Variants in SPECC1L observed in about 807,000 individuals in gnomAD.
The protein encoded by SPECC1L is sperm antigen with calponin homology and coiled-coil domains 1 like, also known as cytospin-A.
In SPECC1L, 40 loss-of-function variants were observed where a neutral mutation model predicts 116.8. That is an observed-to-expected ratio of 0.34 (90% CI 0.27 to 0.45). The LOEUF (loss-of-function observed/expected upper bound fraction) is 0.45, where lower values mean the gene tolerates loss of function less well. SPECC1L is among the 20% of genes least tolerant of loss of function. The pLI, the probability that SPECC1L is intolerant of heterozygous loss-of-function variation, is 1.00. For synonymous variants in SPECC1L, 504 were observed against 500.6 expected (o/e 1.01, Z -0.09); for missense variants, 1,110 against 1,373.6 (o/e 0.81, Z 3.03).
At chr22:24,336,441 A>G (rs906635135) in intron 9 of SPECC1L, among the ~76,000 whole-genome samples, 3 of 151,998 alleles carry the variant, frequency 2.0e-5, no homozygotes, top group African/African-American at 4.8e-5. Flanking sequence ...TGAAAGGAGA[A>G]CTTTAAAATA....
intron 15 of SPECC1L, 111 bp from the exon 16 acceptor site, chr22:24,412,537 G>A: frequency 1.0e-6 from 1 of 970,226 alleles, no homozygotes; most frequent in Non-Finnish European, 1.6e-6. Flanking sequence ...TGTGGCACCA[G>A]GTAGAGGTGA....
At chr22:24,401,430 T>G (rs2146779220) in intron 14 of SPECC1L, among the ~76,000 whole-genome samples, 1 of 152,370 alleles carries the variant, frequency 6.6e-6, no homozygotes, top group African/African-American at 2.4e-5. Flanking sequence ...GCAGCAGGAC[T>G]GGCTGCCTCT....
chr22:24,287,507 C>T (rs982742547), intron 2 of SPECC1L, among the ~76,000 whole-genome samples: 2 of 152,116 alleles, frequency 1.3e-5, no homozygotes, highest in Admixed American at 6.5e-5. Context: ...GAGGGAATGC[C>T]GCGAGGTCAG....
intron 4 of SPECC1L, among the ~76,000 whole-genome samples, chr22:24,313,742 CTTT>C (rs1350275306): frequency 7.7e-5 from 10 of 129,924 alleles, no homozygotes; most frequent in Non-Finnish European, 3.3e-5. Flanking sequence ...GAGAAGGATT[CTTT>C]TTTTTTTTTT....
intron 9 of SPECC1L, 77 bp from the exon 10 acceptor site, chr22:24,338,309 C>A: frequency 1.4e-6 from 2 of 1,404,898 alleles, no homozygotes; most frequent in Non-Finnish European, 2.0e-6. Context: ...GGTAATCAGG[C>A]GAGTCCTTAA....
rs774021747 is a variant in SPECC1L, at chr22:24,365,531, G to A, written c.2883G>A (p.Ala961=). Residue 961 remains alanine (A), a synonymous_variant, in exon 13 of 17, where the codon GCG becomes GCA. Transcript: ENST00000314328. ...GGGACATTTCTGCACAGGAGGGAGC[G>A]TCGCCAGCCTCTCTGATGGCTATGG... ...VKRDISAQEG[A]SPASLMAMGT... 63 of 1,613,948 alleles carry A rather than the reference G, an allele frequency of 3.9e-5. 1 individual carries two copies. Among genetic ancestry groups the A allele is most frequent in the Admixed American group, 2.2e-4 (13 of 60,004 alleles).
At chr22:24,373,572 A>G (rs2041912338) in intron 14 of SPECC1L, among the ~76,000 whole-genome samples, 4 of 152,214 alleles carry the variant, frequency 2.6e-5, no homozygotes, top group East Asian at 1.9e-4. Flanking sequence ...GGCTAGCCAT[A>G]TGTAGAAAGC....
Position 24,334,469 on chromosome 22 carries a change from C to G in SPECC1L, c.2456C>G (p.Ala819Gly). ...ATGAATGCCGTTGAGAGAGATTTGG[C>G]AGCCTTAAGGCAGGGAATGGGACTG... ...NYMNAVERDL[A>G]ALRQGMGLSR... Residue 819 changes from alanine (A) to glycine (G), a missense_variant, in exon 9 of 17, where the codon GCA (alanine) becomes GGA (glycine). Ala to Gly is a moderately conservative substitution (Grantham distance 60). Coordinates refer to ENST00000314328, the MANE Select transcript of SPECC1L (RefSeq NM_015330.6). 3.1e-6 allele frequency: 5 copies of G among 1,614,132 alleles called. No individual in the cohort carries two copies. The highest frequency in any genetic ancestry group is 4.2e-6 in the Non-Finnish European group (5 of 1,180,000).
intron 14 of SPECC1L, among the ~76,000 whole-genome samples, chr22:24,380,928 G>T (rs775897115): frequency 1.3e-5 from 2 of 152,034 alleles, no homozygotes; most frequent in African/African-American, 4.8e-5. Flanking sequence ...TTTAAATATA[G>T]GGCTAACTCT....
At chr22:24,370,688 A>C (rs1280213724) in intron 14 of SPECC1L, among the ~76,000 whole-genome samples, 2 of 152,226 alleles carry the variant, frequency 1.3e-5, no homozygotes, top group Non-Finnish European at 2.9e-5. Flanking sequence ...GTCTGTCGAT[A>C]GAAGAATGGA....
chr22:24,377,562 G>GT (rs2041994959), intron 14 of SPECC1L, among the ~76,000 whole-genome samples: 1 of 152,080 alleles, frequency 6.6e-6, no homozygotes, highest in Admixed American at 6.5e-5. Context: ...TGCTTCATTT[G>GT]TTTCCCCTTT....
At chr22:24,385,613 G>A (rs2042146858) in intron 14 of SPECC1L, among the ~76,000 whole-genome samples, 1 of 152,154 alleles carries the variant, frequency 6.6e-6, no homozygotes, top group African/African-American at 2.4e-5. Context: ...TGTCCGTAAT[G>A]ATAAAGAATT....
At chr22:24,341,210 A>G (rs1007773006) in intron 10 of SPECC1L, among the ~76,000 whole-genome samples, 4 of 152,220 alleles carry the variant, frequency 2.6e-5, no homozygotes, top group African/African-American at 9.6e-5. Flanking sequence ...AGAAAGGAGT[A>G]TAGAAATCTG....
At chr22:24,294,070 G>A (rs1191487898) in intron 2 of SPECC1L, among the ~76,000 whole-genome samples, 1 of 33,980 alleles carries the variant, frequency 2.9e-5, no homozygotes, top group Non-Finnish European at 5.6e-5. Flanking sequence ...CTGGTCTTCT[G>A]GCCCTTGCCG....
In SPECC1L at chr22:24,322,909, C is replaced by T. The variant is rs1298633088; in HGVS notation, c.1929C>T (p.Ala643=). The T allele has an allele frequency of 6.2e-7, 1 of 1,613,908 alleles. No homozygotes were observed. The highest frequency in any genetic ancestry group is 1.1e-5 in the South Asian group (1 of 91,066). The part of the protein sequence containing the change: ...TRNDANRLQD[A]IAKVEDEYRA... ...ATGATGCCAATCGATTACAGGATGCCATTGCTAAGGTATTGTTTAAATAGA... is the reference window on the plus strand; with the variant it reads ...ATGATGCCAATCGATTACAGGATGCTATTGCTAAGGTATTGTTTAAATAGA... The change falls in exon 5 of 17, where the codon GCC becomes GCT. Residue 643 remains alanine (A), a synonymous_variant. Transcript: ENST00000314328.
chr22:24,322,037 T>C lies in SPECC1L; in HGVS notation c.1057T>C (p.Tyr353His), dbSNP rs757073861. Residue 353 changes from tyrosine to histidine, a missense_variant, in exon 5 of 17, where the codon TAC becomes CAC. By Grantham distance (83) the Tyr-to-His change is moderately conservative. Transcript: ENST00000314328. ...DNLDSECSEV[Y>H]QPLTSSDDAL... ...TTTAGACAGTGAGTGCAGTGAGGTCTACCAGCCCCTCACATCGAGCGATGA... is the reference window on the plus strand; with the variant it reads ...TTTAGACAGTGAGTGCAGTGAGGTCCACCAGCCCCTCACATCGAGCGATGA... 6.2e-7 allele frequency: 1 copy of C among 1,614,192 alleles called. No homozygotes were observed. Among genetic ancestry groups the C allele is most frequent in the South Asian group, 1.1e-5 (1 of 91,086 alleles).
At chr22:24,340,643 TTTC>T (rs754216890) in intron 10 of SPECC1L, among the ~76,000 whole-genome samples, 28 of 152,330 alleles carry the variant, frequency 1.8e-4, no homozygotes, top group Non-Finnish European at 3.1e-4. Flanking sequence ...GTGAAAAATA[TTTC>T]TACAAGTTGC....
In SPECC1L at chr22:24,328,853, T is replaced by A; in HGVS notation, c.2154T>A (p.Val718=). 6.2e-7 allele frequency: 1 copy of A among 1,612,822 alleles called. No individual in the cohort carries two copies. Among genetic ancestry groups the A allele is most frequent in the South Asian group, 1.1e-5 (1 of 91,052 alleles). The change falls in exon 7 of 17, where the codon GTT becomes GTA. Residue 718 remains valine (V), a synonymous_variant. Transcript: ENST00000314328. ...CTTTGGTGATCTTTTCAGATACAGT[T>A]AAAAAACTCCAGGACCAAAAGCACG... The part of the protein sequence containing the change: ...NLIISDLENT[V]KKLQDQKHDM...
At position 24,347,084 on chromosome 22, in the gene SPECC1L, A is replaced by G. The variant is rs1161614000; in HGVS notation, c.2653-2A>G. ...TTGATGTTGTTTATCTTATGATTTCAGAGACATTCCATAAGTGGACCAATC... is the reference window on the plus strand; with the variant it reads ...TTGATGTTGTTTATCTTATGATTTCGGAGACATTCCATAAGTGGACCAATC... On this transcript the variant is annotated splice_acceptor_variant, in intron 10 of 16. Coordinates refer to ENST00000314328, the MANE Select transcript of SPECC1L (RefSeq NM_015330.6). LOFTEE classifies it high-confidence loss of function. 2.5e-6 allele frequency: 4 copies of G among 1,612,048 alleles called. No individual in the cohort carries two copies. The highest frequency in any genetic ancestry group is 1.3e-5 in the African/African-American group (1 of 74,876).
Sources: gnomAD v4.1 joint callset for allele counts (sites outside exome capture counted in the v4.1 genomes callset) on GRCh38, gnomAD v4.1.1 for gene constraint, MANE v1.5 for transcripts, NCBI Gene and HGNC (gene_info 2026-07-23, HGNC 2026-07-21) for gene names.